RASSF5: variants seen among roughly 807,000 people sequenced by gnomAD.
RASSF5 encodes ras association domain-containing protein 5.
Under a neutral mutation model 40.5 loss-of-function variants are expected in RASSF5, and 25 were observed. The ratio of observed to expected loss-of-function variants is 0.62; its 90% CI spans 0.45 to 0.86. The LOEUF is 0.86. Ranked by LOEUF, RASSF5 falls within the 40% of genes least tolerant of loss-of-function variation. The probability of loss-of-function intolerance (pLI) is 0.00; values close to 1 mark genes in which losing one functional copy is unlikely to be tolerated. For synonymous variants in RASSF5, 246 were observed against 252.4 expected (o/e 0.97, Z 0.24); for missense variants, 521 against 572.8 (o/e 0.91, Z 0.92).
At chr1:206,566,445 C>T (rs1242790191) in intron 2 of RASSF5, among the ~76,000 whole-genome samples, 1 of 152,148 alleles carries the variant, frequency 6.6e-6, no homozygotes, top group African/African-American at 2.4e-5. Context: ...AATTCGTGAA[C>T]CCCTCATTAT....
At chr1:206,534,339 G>A (rs574694769) in intron 1 of RASSF5, among the ~76,000 whole-genome samples, 2 of 152,290 alleles carry the variant, frequency 1.3e-5, no homozygotes, top group South Asian at 4.1e-4. Context: ...GATAGGGTCT[G>A]TCATTGGAAG....
At chr1:206,529,668 A>C in intron 1 of RASSF5, 1 of 756,362 alleles carries the variant, frequency 1.3e-6, no homozygotes, top group Non-Finnish European at 2.4e-6. Flanking sequence ...CAAATTCAAA[A>C]AGGCAAAGGC....
In RASSF5 at chr1:206,507,760, C is replaced by A. The variant is rs181163167; in HGVS notation, c.158C>A (p.Ala53Glu). The stretch of plus-strand genomic sequence containing the variant: ...TGTGTCCCGGCGCCCCTCTCCACTG[C>A]GCCCGGGGCGCGCGAGGGGCGCAGC... Reference protein sequence around the residue: ...RLCVPAPLSTAPGAREGRSAR... With the variant: ...RLCVPAPLSTEPGAREGRSAR... Residue 53 changes from alanine to glutamate, a missense_variant, in exon 1 of 6, where the codon GCG (alanine) becomes GAG (glutamate). Physicochemically the swap from Ala to Glu is moderately radical, Grantham distance 107. Around this residue, in one of 2 missense-constraint regions of RASSF5, gnomAD observed 237 missense variants for 212.0 expected, o/e 1.12. Coordinates refer to ENST00000579436, the MANE Select transcript of RASSF5 (RefSeq NM_182663.4). The A allele has an allele frequency of 1.1e-3, 1,552 of 1,413,426 alleles. 15 individuals are homozygous for A. The African/African-American group carries it at 0.021, about 19-fold the overall frequency. The allele number at this position is 1,413,426 out of a possible 1,614,324, so 87.6% of individuals were successfully genotyped here.
chr1:206,586,720 G>A (rs894847864), intron 5 of RASSF5, 106 bp from the exon 6 acceptor site: 9 of 847,562 alleles, frequency 1.1e-5, no homozygotes, highest in South Asian at 4.8e-5. Context: ...TGTGAATCAC[G>A]GATGTGAACT....
intron 2 of RASSF5, among the ~76,000 whole-genome samples, chr1:206,578,261 T>C (rs1668733601): frequency 6.6e-6 from 1 of 151,014 alleles, no homozygotes; most frequent in African/African-American, 2.4e-5. Flanking sequence ...TGTGTGTGTG[T>C]GTAAGTAGAT....
intron 3 of RASSF5, among the ~76,000 whole-genome samples, chr1:206,583,898 A>G (rs1045526291): frequency 1.3e-5 from 2 of 152,224 alleles, no homozygotes; most frequent in Non-Finnish European, 2.9e-5. Flanking sequence ...GGGTTCAGCC[A>G]GATGGAGCAC....
chr1:206,523,954 T>C (rs1572299241), intron 1 of RASSF5, among the ~76,000 whole-genome samples: 1 of 116,838 alleles, frequency 8.6e-6, no homozygotes, highest in African/African-American at 3.5e-5. Context: ...ATATATAATA[T>C]ATATACCATA....
At chr1:206,517,038 C>G (rs112082715) in intron 1 of RASSF5, among the ~76,000 whole-genome samples, 156 of 152,336 alleles carry the variant, frequency 1.0e-3, no homozygotes, top group African/African-American at 3.6e-3. Flanking sequence ...CAGCTCCCTT[C>G]TCCCTGAGGA....
intron 1 of RASSF5, among the ~76,000 whole-genome samples, chr1:206,515,016 G>A (rs782417890): frequency 3.3e-5 from 5 of 152,206 alleles, no homozygotes; most frequent in African/African-American, 7.2e-5. Flanking sequence ...AGCATTCAGG[G>A]AAGTCAAATG....
At chr1:206,548,404 C>A (rs540677266) in intron 2 of RASSF5, among the ~76,000 whole-genome samples, 1 of 152,048 alleles carries the variant, frequency 6.6e-6, no homozygotes, top group Non-Finnish European at 1.5e-5. Context: ...GAGGAGGAGG[C>A]GCCAAGCTCC....
rs782072478 is a variant in RASSF5, at chr1:206,538,292, A to T, written c.578A>T (p.Gln193Leu). Residue 193 changes from glutamine to leucine, a missense_variant and splice_region_variant, in exon 2 of 6, where the codon CAG becomes CTG. By Grantham distance (113) the Gln-to-Leu change is moderately radical. Transcript: ENST00000579436. ...PESTLTVTFSQNVCKPVEETQ... is the reference protein window; with the variant it reads ...PESTLTVTFSLNVCKPVEETQ... ...AGCACCCTCACCGTGACCTTCAGCC[A>T]GGTAGGTGCCAAAGCTCTCGTACCA... 5 of 1,613,548 alleles carry T rather than the reference A, an allele frequency of 3.1e-6. No homozygotes were observed. In the South Asian group the frequency reaches 5.5e-5, roughly 18 times the overall value.
intron 2 of RASSF5, among the ~76,000 whole-genome samples, chr1:206,578,449 C>A (rs114312170): frequency 6.6e-6 from 1 of 152,096 alleles, no homozygotes; most frequent in African/African-American, 2.4e-5. Context: ...GTGCACGGTA[C>A]ATATTAGCTG....
intron 1 of RASSF5, among the ~76,000 whole-genome samples, chr1:206,520,356 C>T (rs559087539): frequency 1.7e-4 from 26 of 152,234 alleles, no homozygotes; most frequent in Admixed American, 1.4e-3. Context: ...CCTGTAATCC[C>T]AGCACTTTGG....
At chr1:206,556,950 T>C (rs2103538167) in intron 2 of RASSF5, among the ~76,000 whole-genome samples, 1 of 151,808 alleles carries the variant, frequency 6.6e-6, no homozygotes, top group South Asian at 2.1e-4. Context: ...ATGGGCTCTT[T>C]CCAGAAGCAA....
At chr1:206,515,281 A>C (rs553388337) in intron 1 of RASSF5, among the ~76,000 whole-genome samples, 5 of 152,344 alleles carry the variant, frequency 3.3e-5, no homozygotes, top group African/African-American at 1.2e-4. Context: ...CCAATTTTCA[A>C]CAATCAGTTT....
rs1668028014 is a variant in RASSF5, at chr1:206,557,657, C to G, written c.579+19364C>G. On this transcript the variant is annotated intron_variant, in intron 2 of 5. Coordinates refer to ENST00000579436, the MANE Select transcript of RASSF5 (RefSeq NM_182663.4). ...ACTGCTTCTTCACTGCTAAGACTACCTTTTTCAGAAATGCGCAGAGCAAAC... is the reference window on the plus strand; with the variant it reads ...ACTGCTTCTTCACTGCTAAGACTACGTTTTTCAGAAATGCGCAGAGCAAAC... The G allele has an allele frequency of 5.6e-6, 9 of 1,614,258 alleles. No individual in the cohort carries two copies. In the East Asian group the frequency reaches 1.8e-4, roughly 32 times the overall value.
At position 206,531,138 on chromosome 1, in the gene RASSF5, A is replaced by G. The variant is rs1273002290; in HGVS notation, c.458-7034A>G. ...GAGGAAACCAAGGCCACTAGAGGTTAGGACACCGGCCTGGGGTCGGATCAG... is the reference window on the plus strand; with the variant it reads ...GAGGAAACCAAGGCCACTAGAGGTTGGGACACCGGCCTGGGGTCGGATCAG... On this transcript the variant is annotated intron_variant, in intron 1 of 5. Transcript: ENST00000579436. This position sits in a 1 kb window ranked among gnomAD's most constrained non-coding sequence, Gnocchi z 4.7. Among the ~76,000 whole-genome samples the G allele has an allele frequency of 1.3e-5, 2 of 152,254 alleles. No homozygotes were observed. The highest frequency in any genetic ancestry group is 4.8e-5 in the African/African-American group (2 of 41,476).
intron 1 of RASSF5, among the ~76,000 whole-genome samples, chr1:206,524,004 T>C (rs1553396695): frequency 8.2e-6 from 1 of 121,814 alleles, no homozygotes; most frequent in Non-Finnish European, 1.6e-5. Flanking sequence ...TCATATATAG[T>C]ATATTTTATA....
Position 206,535,835 on chromosome 1 carries a change from A to G in RASSF5, c.458-2337A>G, listed in dbSNP as rs1220246382. On this transcript the variant is annotated intron_variant, in intron 1 of 5. Transcript: ENST00000579436. This position sits in a 1 kb window ranked among gnomAD's most constrained non-coding sequence, Gnocchi z 5.0. ...CAACAGGACAAGGAGCTAAAAGAGG[A>G]GGAGAGAGAAATTCCTCCTCTCCCA... 1.3e-5 allele frequency among the ~76,000 whole-genome samples: 2 copies of G among 151,872 alleles called. No individual in the cohort carries two copies. The highest frequency in any genetic ancestry group is 2.9e-5 in the Non-Finnish European group (2 of 67,964).
Sources: allele counts gnomAD v4.1 joint callset (sites outside exome capture counted in the v4.1 genomes callset), GRCh38; gene constraint gnomAD v4.1.1; regional missense constraint gnomAD v4.1.1; non-coding constraint Gnocchi (gnomAD v3.1); transcripts MANE v1.5; gene names NCBI Gene and HGNC (gene_info 2026-07-23, HGNC 2026-07-21).